MFHAS1: variants seen among roughly 807,000 people sequenced by gnomAD.
MFHAS1 encodes the protein multifunctional ROCO family signaling regulator 1.
A neutral mutation model predicts 70.4 loss-of-function variants in MFHAS1; 50 were observed. The ratio of observed to expected loss-of-function variants is 0.71; its 90% CI spans 0.57 to 0.90. The LOEUF (loss-of-function observed/expected upper bound fraction) is 0.90. Among genes scored for constraint, MFHAS1 ranks in the 40% least tolerant of loss-of-function variants. MFHAS1 has a pLI of 0.00. For synonymous variants in MFHAS1, 952 were observed against 620.0 expected (o/e 1.54, Z -7.96); for missense variants, 1,795 against 1,347.6 (o/e 1.33, Z -5.20).
At chr8:8,852,654 A>G (rs1317200873) in intron 1 of MFHAS1, among the ~76,000 whole-genome samples, 1 of 152,214 alleles carries the variant, frequency 6.6e-6, no homozygotes, top group African/African-American at 2.4e-5. Flanking sequence ...TCTGACTTCC[A>G]TGGCCATTTG....
At chr8:8,816,810 A>G (rs1269049966) in intron 1 of MFHAS1, among the ~76,000 whole-genome samples, 1 of 152,200 alleles carries the variant, frequency 6.6e-6, no homozygotes, top group Non-Finnish European at 1.5e-5. Context: ...ATGGAAACAC[A>G]CCTACTGACT....
At chr8:8,855,689 C>G (rs767530872) in intron 1 of MFHAS1, among the ~76,000 whole-genome samples, 4 of 152,056 alleles carry the variant, frequency 2.6e-5, no homozygotes, top group African/African-American at 4.8e-5. Flanking sequence ...AACCTACTCT[C>G]TACTAAAAAT....
Position 8,892,614 on chromosome 8 carries a change from C to T in MFHAS1, c.445G>A (p.Ala149Thr), listed in dbSNP as rs749174465. 1 of 1,607,902 alleles carries T rather than the reference C, an allele frequency of 6.2e-7. No homozygotes were observed. The change falls in exon 1 of 3, where the codon GCC becomes ACC. Residue 149 changes from alanine (A) to threonine (T), a missense_variant. Transcript: ENST00000276282. The surrounding 1 kb of genome is among the most constrained non-coding windows in gnomAD (Gnocchi z 4.7). ...KLNLSHNQLPALPAQLGALAH... is the reference protein window; with the variant it reads ...KLNLSHNQLPTLPAQLGALAH... ...AGAGCGCCCAGCTGGGCGGGCAGGG[C>T]GGGCAGCTGGTTGTGGCTGAGGTTG...
intron 1 of MFHAS1, among the ~76,000 whole-genome samples, chr8:8,885,012 T>G (rs2116937284): frequency 6.7e-6 from 1 of 149,186 alleles, no homozygotes; most frequent in East Asian, 2.0e-4. Flanking sequence ...TCAGCAAACA[T>G]CTGAGAGGCT....
In MFHAS1 at chr8:8,783,554, C is replaced by A. The variant is rs770897815; in HGVS notation, c.*2468G>T. The stretch of plus-strand genomic sequence containing the variant: ...AATACACAAGTGTCAAATATGAGCA[C>A]TGTCATTTTTTTTTTCTTAGAAGGG... On this transcript the variant is annotated 3_prime_UTR_variant, in exon 3 of 3. Coordinates refer to ENST00000276282, the MANE Select transcript of MFHAS1 (RefSeq NM_004225.3). 2.6e-5 allele frequency: 4 copies of A among 151,920 alleles called. No individual in the cohort carries two copies. The highest frequency in any genetic ancestry group is 4.4e-5 in the Non-Finnish European group (3 of 68,032). The allele number at this position is 151,920 out of a possible 1,614,324, so 9.4% of individuals were successfully genotyped here.
intron 1 of MFHAS1, among the ~76,000 whole-genome samples, chr8:8,833,230 C>G (rs943908781): frequency 6.6e-6 from 1 of 152,194 alleles, no homozygotes. Context: ...CCACCTTCAG[C>G]ACTGGGGATT....
At chr8:8,833,200 C>T (rs932308642) in intron 1 of MFHAS1, among the ~76,000 whole-genome samples, 1 of 152,196 alleles carries the variant, frequency 6.6e-6, no homozygotes, top group Non-Finnish European at 1.5e-5. Context: ...CCCCCTGATC[C>T]AATCATCTCC....
intron 1 of MFHAS1, among the ~76,000 whole-genome samples, chr8:8,805,588 G>A (rs1234159378): frequency 6.6e-6 from 1 of 152,162 alleles, no homozygotes; most frequent in Non-Finnish European, 1.5e-5. Flanking sequence ...TGGCAGAAGT[G>A]GAAGAAAATC....
intron 1 of MFHAS1, among the ~76,000 whole-genome samples, chr8:8,862,004 T>C (rs1341522883): frequency 2.0e-5 from 3 of 152,272 alleles, no homozygotes; most frequent in Non-Finnish European, 4.4e-5. Context: ...AACATTTGTG[T>C]ATCTTTTTAA....
At chr8:8,851,524 G>T (rs752204105) in intron 1 of MFHAS1, among the ~76,000 whole-genome samples, 22 of 152,240 alleles carry the variant, frequency 1.4e-4, no homozygotes, top group South Asian at 1.0e-3. Flanking sequence ...AGTTTGCTTG[G>T]CAGCTTAATT....
At chr8:8,875,866 T>G (rs1372846407) in intron 1 of MFHAS1, among the ~76,000 whole-genome samples, 1 of 152,132 alleles carries the variant, frequency 6.6e-6, no homozygotes, top group Non-Finnish European at 1.5e-5. Context: ...GCATTACAGG[T>G]GTGAGCCACC....
intron 1 of MFHAS1, among the ~76,000 whole-genome samples, chr8:8,844,073 C>A (rs1028865035): frequency 2.0e-5 from 3 of 152,144 alleles, no homozygotes; most frequent in Non-Finnish European, 4.4e-5. Flanking sequence ...AAAAGAATGA[C>A]AGATGGAGAA....
chr8:8,826,719 T>C (rs761788958), intron 1 of MFHAS1, among the ~76,000 whole-genome samples: 25 of 151,912 alleles, frequency 1.6e-4, no homozygotes, highest in Non-Finnish European at 2.9e-4. Flanking sequence ...GGTGACAGAG[T>C]GAGGCTCCAT....
In MFHAS1 at chr8:8,893,391, G is replaced by C. The variant is rs3110411; in HGVS notation, c.-333C>G. 1 of 145,266 alleles carries C rather than the reference G, an allele frequency of 6.9e-6. No individual in the cohort carries two copies. The highest frequency in any genetic ancestry group is 2.5e-5 in the African/African-American group (1 of 40,510). The allele number at this position is 145,266 out of a possible 1,614,324, so 9.0% of individuals were successfully genotyped here. A position where few individuals can be genotyped will look rare whatever the true frequency, so the allele number is the denominator to read the frequency against. ...CCGCCCGCCGCGCGGCGCCTCGGGG[G>C]GCCCGGCTCCGGCCCCGCTACCCTC... is the stretch of plus-strand genomic sequence containing the variant. On this transcript the variant is annotated 5_prime_UTR_variant, in exon 1 of 3. Coordinates refer to ENST00000276282, the MANE Select transcript of MFHAS1 (RefSeq NM_004225.3).
chr8:8,866,447 C>T (rs537016610), intron 1 of MFHAS1, among the ~76,000 whole-genome samples: 2 of 151,786 alleles, frequency 1.3e-5, no homozygotes, highest in African/African-American at 2.4e-5. Flanking sequence ...GCCTCCCCAA[C>T]GGCTGCAACT....
intron 1 of MFHAS1, among the ~76,000 whole-genome samples, chr8:8,815,319 A>G (rs1806700866): frequency 6.6e-6 from 1 of 152,176 alleles, no homozygotes; most frequent in South Asian, 2.1e-4. Context: ...TAGTGCTGCG[A>G]TGAACATACA....
In MFHAS1 at chr8:8,891,691, C is replaced by T; in HGVS notation, c.1368G>A (p.Lys456=). The T allele has an allele frequency of 6.2e-7, 1 of 1,613,572 alleles. No homozygotes were observed. Among genetic ancestry groups the T allele is most frequent in the East Asian group, 2.2e-5 (1 of 44,882 alleles). Residue 456 remains lysine (K), a synonymous_variant, in exon 1 of 3, where the codon AAG becomes AAA. Coordinates refer to ENST00000276282, the MANE Select transcript of MFHAS1 (RefSeq NM_004225.3). This position sits in a 1 kb window ranked among gnomAD's most constrained non-coding sequence, Gnocchi z 5.4. ...CCGTCCAGCTGGTCACCTCGATGCC[C>T]TTGCTCACAGGGGGAGGTGACGGTG... The part of the protein sequence containing the change: ...CYPPSPPPVS[K]GIEVTSWTAD...
At chr8:8,816,033 TGAGTAAAACAAGCCA>T (rs1465588541) in intron 1 of MFHAS1, among the ~76,000 whole-genome samples, 1 of 152,170 alleles carries the variant, frequency 6.6e-6, no homozygotes. Flanking sequence ...ATAACTATGT[TGAGTAAAACAAGCCA>T]GACCAAAAAC....
intron 1 of MFHAS1, among the ~76,000 whole-genome samples, chr8:8,855,837 C>G (rs1228451027): frequency 1.3e-4 from 20 of 152,144 alleles, no homozygotes; most frequent in Admixed American, 1.3e-3. Context: ...GCTTCGGCAA[C>G]AGAGTGAGAC....
Sources: allele counts gnomAD v4.1 joint callset (sites outside exome capture counted in the v4.1 genomes callset), GRCh38; gene constraint gnomAD v4.1.1; non-coding constraint Gnocchi (gnomAD v3.1); transcripts MANE v1.5; gene names NCBI Gene and HGNC (gene_info 2026-07-23, HGNC 2026-07-21).